The following CTCF variants were observed in gnomAD, a reference collection of about 807,000 sequenced individuals.
CTCF encodes transcriptional repressor CTCF.
In CTCF, 7 loss-of-function variants were observed where a neutral mutation model predicts 72.3. The ratio of observed to expected loss-of-function variants is 0.10; its 90% CI spans 0.06 to 0.18. The LOEUF (loss-of-function observed/expected upper bound fraction) is 0.18, where lower values mean the gene tolerates loss of function less well. CTCF is among the 10% of genes least tolerant of loss of function. The pLI is 1.00. For missense variants in CTCF, 516 were observed against 949.1 expected (o/e 0.54, Z 6.00); for synonymous variants, 374 against 315.8 (o/e 1.18, Z -1.95).
At chr16:67,565,825 G>T (rs1400200733) in intron 1 of CTCF, among the ~76,000 whole-genome samples, 1 of 152,190 alleles carries the variant, frequency 6.6e-6, no homozygotes, top group Non-Finnish European at 1.5e-5. Flanking sequence ...ACACGCAAAT[G>T]GGGGCACTCA....
chr16:67,617,705 T>C (rs1210083942), intron 5 of CTCF, among the ~76,000 whole-genome samples: 1 of 152,138 alleles, frequency 6.6e-6, no homozygotes, highest in Non-Finnish European at 1.5e-5. Flanking sequence ...CAGTTTCACA[T>C]GTTAATACAG....
intron 2 of CTCF, among the ~76,000 whole-genome samples, chr16:67,600,015 C>T (rs1425660997): frequency 2.6e-5 from 4 of 151,832 alleles, no homozygotes; most frequent in Non-Finnish European, 5.9e-5. Context: ...TACTCAGAGA[C>T]GAAGGGAGCT....
intron 2 of CTCF, among the ~76,000 whole-genome samples, chr16:67,610,112 C>T (rs1567607999): frequency 6.6e-6 from 1 of 152,162 alleles, no homozygotes; most frequent in Non-Finnish European, 1.5e-5. Context: ...TCTACTGGTT[C>T]TCCCTCCAAT....
Position 67,612,394 on chromosome 16 carries a change from G to C in CTCF, c.952+273G>C, listed in dbSNP as rs778694788. 11 of 231,598 alleles carry C rather than the reference G, an allele frequency of 4.7e-5. No homozygotes were observed. In the South Asian group the frequency reaches 9.1e-4, roughly 19 times the overall value. 14.3% of individuals were successfully genotyped at this position (231,598 alleles called of 1,614,324 possible). A position where few individuals can be genotyped will look rare whatever the true frequency, so the allele number is the denominator to read the frequency against. On this transcript the variant is annotated intron_variant, in intron 4 of 11. Transcript: ENST00000264010. ...ACTATGAGGAAGAATGTTAGAAATA[G>C]AAGTGAAATCCCAGTGAAACCCTGT...
chr16:67,593,693 T>C (rs2051775616), intron 2 of CTCF, among the ~76,000 whole-genome samples: 1 of 152,196 alleles, frequency 6.6e-6, no homozygotes, highest in Non-Finnish European at 1.5e-5. Context: ...ACCAAGAGAA[T>C]GCAGATAGAC....
intron 2 of CTCF, among the ~76,000 whole-genome samples, chr16:67,579,582 C>T (rs186783169): frequency 9.1e-4 from 139 of 152,232 alleles, no homozygotes; most frequent in African/African-American, 2.8e-3. Flanking sequence ...TGGTCTCAAA[C>T]TCCTGACCTC....
In CTCF at chr16:67,638,027, A is replaced by C. The variant is rs1440238357; in HGVS notation, c.*155A>C. 1 of 662,390 alleles carries C rather than the reference A, an allele frequency of 1.5e-6. No individual in the cohort carries two copies. Among genetic ancestry groups the C allele is most frequent in the Non-Finnish European group, 2.5e-6 (1 of 404,436 alleles). 41.0% of individuals were successfully genotyped at this position (662,390 alleles called of 1,614,324 possible). A position where few individuals can be genotyped will look rare whatever the true frequency, so the allele number is the denominator to read the frequency against. On this transcript the variant is annotated 3_prime_UTR_variant, in exon 12 of 12. Coordinates refer to ENST00000264010, the MANE Select transcript of CTCF (RefSeq NM_006565.4). Reference sequence around the variant, plus strand: ...AAACTTCAAGGATGATGTTAGAAAAAAATGTGATTTAACTAGAACTTGCTG... The same window carrying C: ...AAACTTCAAGGATGATGTTAGAAAACAATGTGATTTAACTAGAACTTGCTG...
intron 2 of CTCF, among the ~76,000 whole-genome samples, chr16:67,596,999 A>G (rs1243006762): frequency 3.9e-5 from 6 of 151,910 alleles, no homozygotes; most frequent in Non-Finnish European, 7.4e-5. Context: ...AAAGCTGTTC[A>G]CCTTTTTCTT....
chr16:67,589,329 T>C (rs1314363837), intron 2 of CTCF, among the ~76,000 whole-genome samples: 6 of 152,114 alleles, frequency 3.9e-5, no homozygotes, highest in Non-Finnish European at 8.8e-5. Context: ...TATAATAATA[T>C]TAATTTGAGA....
rs2051979204 is a variant in CTCF, at chr16:67,606,780, A to G, written c.-9-4044A>G. On this transcript the variant is annotated intron_variant, in intron 2 of 11. Transcript: ENST00000264010. The stretch of plus-strand genomic sequence containing the variant: ...GGTTTTTTTTTTTTTTTTTTTTGAG[A>G]CATAGTTTCACTCTTATCGCCCAGG... Among the ~76,000 whole-genome samples, 4 of 129,076 alleles carry G rather than the reference A, an allele frequency of 3.1e-5. No individual in the cohort carries two copies. The South Asian group carries it at 9.8e-4, about 32-fold the overall frequency. The allele number at this position is 129,076 out of a possible 152,430, so 84.7% of individuals were successfully genotyped here.
chr16:67,619,880 T>C (rs28391634), intron 5 of CTCF, among the ~76,000 whole-genome samples: 5,725 of 152,134 alleles, frequency 0.038, 356 homozygotes, highest in African/African-American at 0.13. Flanking sequence ...CACCGTGACC[T>C]GCCCTCAAAG....
intron 2 of CTCF, among the ~76,000 whole-genome samples, chr16:67,601,965 G>A (rs189415426): frequency 4.6e-5 from 7 of 150,746 alleles, no homozygotes; most frequent in Non-Finnish European, 1.0e-4. Context: ...CAGGGTTCAC[G>A]CGATTCTCCT....
intron 2 of CTCF, among the ~76,000 whole-genome samples, chr16:67,597,780 T>A (rs947809690): frequency 1.3e-5 from 2 of 152,224 alleles, no homozygotes; most frequent in African/African-American, 4.8e-5. Context: ...AAATGACAGC[T>A]TTTTATTTGC....
chr16:67,637,055 C>T (rs913681893), intron 11 of CTCF, among the ~76,000 whole-genome samples: 1 of 152,142 alleles, frequency 6.6e-6, no homozygotes, highest in Non-Finnish European at 1.5e-5. Flanking sequence ...TGTTACATTT[C>T]AAGAAGAAGT....
At chr16:67,579,377 A>T in intron 2 of CTCF, among the ~76,000 whole-genome samples, 1 of 150,328 alleles carries the variant, frequency 6.7e-6, no homozygotes. Context: ...TTTATTTGAG[A>T]CGGAGTCTTG....
intron 2 of CTCF, among the ~76,000 whole-genome samples, chr16:67,575,172 T>A (rs917288887): frequency 1.3e-5 from 2 of 152,128 alleles, no homozygotes; most frequent in African/African-American, 4.8e-5. Context: ...TCGTCTGAGC[T>A]GAGAAGGTTG....
chr16:67,622,003 G>T (rs1464085918), intron 7 of CTCF, among the ~76,000 whole-genome samples: 1 of 152,058 alleles, frequency 6.6e-6, no homozygotes, highest in Non-Finnish European at 1.5e-5. Context: ...TGGTTTAGTG[G>T]TAACTGTATT....
chr16:67,608,969 G>T (rs761108596), intron 2 of CTCF, among the ~76,000 whole-genome samples: 1 of 151,888 alleles, frequency 6.6e-6, no homozygotes, highest in Non-Finnish European at 1.5e-5. Flanking sequence ...TCGTACTCCC[G>T]ACCTCAGGTG....
At chr16:67,636,173 C>T (rs951272116) in intron 10 of CTCF, among the ~76,000 whole-genome samples, 2 of 152,014 alleles carry the variant, frequency 1.3e-5, no homozygotes, top group African/African-American at 2.4e-5. Flanking sequence ...GTCAGGAATT[C>T]AAGACCAGCC....
Sources: gnomAD v4.1 joint callset for allele counts (sites outside exome capture counted in the v4.1 genomes callset) on GRCh38, gnomAD v4.1.1 for gene constraint, MANE v1.5 for transcripts, NCBI Gene and HGNC (gene_info 2026-07-23, HGNC 2026-07-21) for gene names.